PPP2R5D: variants seen among roughly 807,000 people sequenced by gnomAD.
PPP2R5D encodes serine/threonine-protein phosphatase 2A 56 kDa regulatory subunit delta isoform.
A neutral mutation model predicts 79.1 loss-of-function variants in PPP2R5D; 12 were observed. The observed-to-expected ratio is 0.15, with a 90% CI of 0.10 to 0.25. The LOEUF is 0.25. Among genes scored for constraint, PPP2R5D ranks in the 10% least tolerant of loss-of-function variants. The pLI is 1.00. For synonymous variants in PPP2R5D, 277 were observed against 286.6 expected (o/e 0.97, Z 0.34); for missense variants, 419 against 760.2 (o/e 0.55, Z 5.28).
intron 1 of PPP2R5D, among the ~76,000 whole-genome samples, chr6:42,986,586 GGC>G (rs1770868769): frequency 6.6e-6 from 1 of 151,996 alleles, no homozygotes; most frequent in Non-Finnish European, 1.5e-5. Context: ...GCCCCACCCA[GGC>G]CCTGTCCTTG....
intron 2 of PPP2R5D, among the ~76,000 whole-genome samples, chr6:43,004,014 G>A (rs765137806): frequency 2.0e-5 from 3 of 151,524 alleles, no homozygotes; most frequent in African/African-American, 4.9e-5. Context: ...CACCGCGCCC[G>A]GCCTGTGTAT....
chr6:43,009,497 C>A lies in PPP2R5D; in HGVS notation c.1379+48C>A. The A allele has an allele frequency of 6.2e-7, 1 of 1,612,170 alleles. No homozygotes were observed. The highest frequency in any genetic ancestry group is 8.5e-7 in the Non-Finnish European group (1 of 1,179,180). ...GGTGGTGGGGATCCAGTTTGGGAAA[C>A]TTTGAGGGTATGGAAGAACTAAAGA... On this transcript the variant is annotated intron_variant, in intron 12 of 15. Coordinates refer to ENST00000485511, the MANE Select transcript of PPP2R5D (RefSeq NM_006245.4). The surrounding 1 kb of genome is among the most constrained non-coding windows in gnomAD (Gnocchi z 5.6).
intron 2 of PPP2R5D, among the ~76,000 whole-genome samples, chr6:42,998,743 C>T (rs1581828965): frequency 6.6e-6 from 1 of 151,950 alleles, no homozygotes; most frequent in East Asian, 1.9e-4. Context: ...ACAAAAACTA[C>T]AGAAAAGTAG....
intron 2 of PPP2R5D, among the ~76,000 whole-genome samples, chr6:43,004,938 T>C (rs1761986498): frequency 1.3e-5 from 2 of 151,770 alleles, no homozygotes; most frequent in Admixed American, 6.6e-5. Flanking sequence ...TAGTAAGAGA[T>C]GGGGTTTCAC....
Position 43,010,429 on chromosome 6 carries a change from C to T in PPP2R5D, c.1380-39C>T, listed in dbSNP as rs1189711083. The T allele has an allele frequency of 6.3e-7, 1 of 1,576,670 alleles. No homozygotes were observed. Among genetic ancestry groups the T allele is most frequent in the East Asian group, 2.2e-5 (1 of 44,656 alleles). ...TTGGGTTCCTCACGCTAAGGGCAGG[C>T]TCTGGCCTCCTACACCTCATCTTTC... On this transcript the variant is annotated intron_variant, in intron 12 of 15. Coordinates refer to ENST00000485511, the MANE Select transcript of PPP2R5D (RefSeq NM_006245.4). The surrounding 1 kb of genome is among the most constrained non-coding windows in gnomAD (Gnocchi z 4.7).
chr6:42,997,471 C>T (rs1366667038), intron 2 of PPP2R5D, among the ~76,000 whole-genome samples: 3 of 148,426 alleles, frequency 2.0e-5, no homozygotes, highest in Non-Finnish European at 4.5e-5. Context: ...GGATTACAGG[C>T]GTGGGCCACT....
chr6:43,002,755 A>G (rs1379739958), intron 2 of PPP2R5D, among the ~76,000 whole-genome samples: 1 of 152,004 alleles, frequency 6.6e-6, no homozygotes, highest in African/African-American at 2.4e-5. Flanking sequence ...AATTAATAAC[A>G]TTTCTGTCTT....
chr6:42,989,967 GC>G (rs1226411261), intron 2 of PPP2R5D, among the ~76,000 whole-genome samples: 1 of 151,968 alleles, frequency 6.6e-6, no homozygotes. Context: ...TTTTCTTAGG[GC>G]AAAAAGCGGG....
In PPP2R5D at chr6:43,012,219, A is replaced by G; in HGVS notation, c.*933A>G. 1 of 1,191,430 alleles carries G rather than the reference A, an allele frequency of 8.4e-7. No individual in the cohort carries two copies. The highest frequency in any genetic ancestry group is 1.0e-6 in the Non-Finnish European group (1 of 961,006). The allele number at this position is 1,191,430 out of a possible 1,614,324, so 73.8% of individuals were successfully genotyped here. On this transcript the variant is annotated 3_prime_UTR_variant, in exon 16 of 16. Transcript: ENST00000485511. ...GGACCCAGGTTCCAGGGGCGCAGGC[A>G]GTGCGGCTTTTGGCTGTGTACATAG...
intron 2 of PPP2R5D, among the ~76,000 whole-genome samples, chr6:43,000,986 G>A (rs1054428236): frequency 6.6e-6 from 1 of 152,186 alleles, no homozygotes; most frequent in Admixed American, 6.5e-5. Flanking sequence ...ACTAAGAGGT[G>A]TCACTAGGGG....
In PPP2R5D at chr6:42,984,673, C is replaced by T. The variant is rs1294637766; in HGVS notation, c.-5C>T. The T allele has an allele frequency of 6.2e-7, 1 of 1,607,838 alleles. No individual in the cohort carries two copies. Among genetic ancestry groups the T allele is most frequent in the Middle Eastern group, 1.7e-4 (1 of 5,816 alleles). The stretch of plus-strand genomic sequence containing the variant: ...AGGAGACGGGCCGGGTCCGGACGGG[C>T]CGAGATGCCCTATAAACTGAAAAAG... On this transcript the variant is annotated 5_prime_UTR_variant, in exon 1 of 16. Transcript: ENST00000485511.
chr6:42,991,060 CTG>C (rs1324075317), intron 2 of PPP2R5D, among the ~76,000 whole-genome samples: 1 of 152,186 alleles, frequency 6.6e-6, no homozygotes, highest in Non-Finnish European at 1.5e-5. Flanking sequence ...TCACTCAGCT[CTG>C]TGACGATTTG....
At chr6:42,995,364 C>T (rs1771583473) in intron 2 of PPP2R5D, among the ~76,000 whole-genome samples, 1 of 151,818 alleles carries the variant, frequency 6.6e-6, no homozygotes, top group East Asian at 1.9e-4. Context: ...AACTCTTGGA[C>T]CGAAGCAATC....
chr6:43,008,896 ATATACAC>A lies in PPP2R5D; in HGVS notation c.1080+151_1081-154del. 8.0e-7 allele frequency: 1 copy of A among 1,256,100 alleles called. No individual in the cohort carries two copies. Among genetic ancestry groups the A allele is most frequent in the Non-Finnish European group, 1.1e-6 (1 of 893,970 alleles). 77.8% of individuals were successfully genotyped at this position (1,256,100 alleles called of 1,614,324 possible). A position where few individuals can be genotyped will look rare whatever the true frequency, so the allele number is the denominator to read the frequency against. On this transcript the variant is annotated intron_variant, in intron 10 of 15. Transcript: ENST00000485511. The surrounding 1 kb of genome is among the most constrained non-coding windows in gnomAD (Gnocchi z 4.2). The stretch of plus-strand genomic sequence containing the variant: ...CCTCTCTGAAGGGGAAGCAAAACCT[ATATACAC>A]CTAGGAAACAGATCCAAGGCAAAGA...
intron 1 of PPP2R5D, 102 bp from the exon 2 acceptor site, chr6:42,989,509 C>A: frequency 1.0e-6 from 1 of 989,242 alleles, no homozygotes; most frequent in Non-Finnish European, 1.5e-6. Flanking sequence ...TTGATTGATT[C>A]AACTGGACAG....
In PPP2R5D at chr6:43,006,405, C is replaced by CCAGG; in HGVS notation, c.106-57_106-56insAGGC. ...ATAAACAGACTTGGGGATGGCCAGG[C>CCAGG]CCAGGGTGGGAGGCATATCTTGGGA... On this transcript the variant is annotated intron_variant, in intron 2 of 15. Transcript: ENST00000485511. This position sits in a 1 kb window ranked among gnomAD's most constrained non-coding sequence, Gnocchi z 4.7. 1 of 1,577,002 alleles carries CCAGG rather than the reference C, an allele frequency of 6.3e-7. No individual in the cohort carries two copies. Among genetic ancestry groups the CCAGG allele is most frequent in the Non-Finnish European group, 8.6e-7 (1 of 1,162,372 alleles).
At chr6:42,986,576 GCCCCACCCA>G (rs1770867486) in intron 1 of PPP2R5D, among the ~76,000 whole-genome samples, 1 of 151,996 alleles carries the variant, frequency 6.6e-6, no homozygotes, top group Non-Finnish European at 1.5e-5. Flanking sequence ...AGGGTTTTGT[GCCCCACCCA>G]GGCCCTGTCC....
intron 2 of PPP2R5D, among the ~76,000 whole-genome samples, chr6:43,001,423 G>A (rs1772196774): frequency 6.6e-6 from 1 of 152,176 alleles, no homozygotes; most frequent in African/African-American, 2.4e-5. Context: ...GCAGGCATGA[G>A]CCACTGTGCC....
At position 43,006,013 on chromosome 6, in the gene PPP2R5D, C is replaced by T. The variant is rs935509230; in HGVS notation, c.106-450C>T. 5.9e-5 allele frequency among the ~76,000 whole-genome samples: 9 copies of T among 152,194 alleles called. No individual in the cohort carries two copies. Among genetic ancestry groups the T allele is most frequent in the East Asian group, 1.9e-4 (1 of 5,198 alleles). ...ATTTTAGGTATGTATCTGCCATGCA[C>T]CACCTTGCAGGTCCAGTCAAGATAC... On this transcript the variant is annotated intron_variant, in intron 2 of 15. Coordinates refer to ENST00000485511, the MANE Select transcript of PPP2R5D (RefSeq NM_006245.4). This position sits in a 1 kb window ranked among gnomAD's most constrained non-coding sequence, Gnocchi z 4.7.
Sources: allele counts gnomAD v4.1 joint callset (sites outside exome capture counted in the v4.1 genomes callset), GRCh38; gene constraint gnomAD v4.1.1; non-coding constraint Gnocchi (gnomAD v3.1); transcripts MANE v1.5; gene names NCBI Gene and HGNC (gene_info 2026-07-23, HGNC 2026-07-21).